Variants in RBFOX1 observed in about 807,000 individuals in gnomAD.
RBFOX1 encodes RNA binding protein fox-1 homolog 1.
In RBFOX1, 8 loss-of-function variants were observed where a neutral mutation model predicts 57.7. That is an observed-to-expected ratio of 0.14 (90% CI 0.08 to 0.25). The LOEUF (loss-of-function observed/expected upper bound fraction) is 0.25, where lower values mean the gene tolerates loss of function less well. Ranked by LOEUF, RBFOX1 falls within the 10% of genes least tolerant of loss-of-function variation. The pLI is 1.00. For synonymous variants in RBFOX1, 326 were observed against 222.4 expected (o/e 1.47, Z -4.15); for missense variants, 611 against 548.5 (o/e 1.11, Z -1.14).
intron 3 of RBFOX1, among the ~76,000 whole-genome samples, chr16:6,983,128 T>C (rs2089390093): frequency 6.6e-6 from 1 of 152,012 alleles, no homozygotes. Context: ...ACCAAAACTC[T>C]TAGCTGTTCC....
intron 1 of RBFOX1, among the ~76,000 whole-genome samples, chr16:6,285,164 G>A (rs2076772941): frequency 6.6e-6 from 1 of 152,120 alleles, no homozygotes; most frequent in African/African-American, 2.4e-5. Flanking sequence ...TCTGCTCAGT[G>A]GCCCTGGATA....
intron 4 of RBFOX1, among the ~76,000 whole-genome samples, chr16:7,173,696 G>A (rs566710935): frequency 3.3e-5 from 5 of 152,154 alleles, no homozygotes; most frequent in African/African-American, 7.2e-5. Flanking sequence ...AACACATTTA[G>A]GATGTTTTTT....
intron 1 of RBFOX1, among the ~76,000 whole-genome samples, chr16:5,352,976 C>A (rs755235114): frequency 1.1e-4 from 16 of 152,240 alleles, no homozygotes; most frequent in Non-Finnish European, 2.4e-4. Flanking sequence ...ATACATACTT[C>A]GTAGTCAAAT....
At chr16:7,514,709 G>C (rs1216574239) in intron 4 of RBFOX1, among the ~76,000 whole-genome samples, 1 of 152,140 alleles carries the variant, frequency 6.6e-6, no homozygotes, top group African/African-American at 2.4e-5. Context: ...GACTTGATGG[G>C]GTTGAGAGGA....
intron 1 of RBFOX1, among the ~76,000 whole-genome samples, chr16:5,294,742 A>G (rs1336124773): frequency 6.6e-6 from 1 of 152,076 alleles, no homozygotes; most frequent in African/African-American, 2.4e-5. Context: ...ATGGCATAAA[A>G]AAGACAGGCC....
chr16:6,812,537 C>A (rs367571755), intron 3 of RBFOX1, among the ~76,000 whole-genome samples: 2 of 152,034 alleles, frequency 1.3e-5, no homozygotes, highest in African/African-American at 4.8e-5. Context: ...CCACGCCCAG[C>A]TAATTTTTTT....
intron 4 of RBFOX1, among the ~76,000 whole-genome samples, chr16:7,468,871 G>C (rs1368665286): frequency 1.3e-5 from 2 of 152,092 alleles, no homozygotes; most frequent in East Asian, 3.9e-4. Context: ...GAGGATCACA[G>C]GGTCCCGTCC....
intron 1 of RBFOX1, among the ~76,000 whole-genome samples, chr16:5,355,068 G>C (rs1271616864): frequency 6.6e-6 from 1 of 151,942 alleles, no homozygotes; most frequent in Non-Finnish European, 1.5e-5. Context: ...GAGAGAAAGA[G>C]AGAAATAAGA....
intron 1 of RBFOX1, among the ~76,000 whole-genome samples, chr16:5,407,424 A>T (rs1183756368): frequency 1.3e-5 from 2 of 152,108 alleles, no homozygotes; most frequent in Non-Finnish European, 2.9e-5. Context: ...ACAAGAGCAG[A>T]GGCCCTGTGC....
At chr16:5,942,145 T>C (rs2059293802) in intron 4 of RBFOX1, among the ~76,000 whole-genome samples, 2 of 151,698 alleles carry the variant, frequency 1.3e-5, no homozygotes, top group East Asian at 3.9e-4. Flanking sequence ...ACAGGGGGAG[T>C]GCAATAGAGA....
intron 2 of RBFOX1, among the ~76,000 whole-genome samples, chr16:6,538,216 C>T (rs2096761769): frequency 6.6e-6 from 1 of 152,168 alleles, no homozygotes; most frequent in Admixed American, 6.5e-5. Context: ...TCAGGCCAGG[C>T]ATGGAGGCTC....
chr16:7,479,579 T>C (rs2063463708), intron 4 of RBFOX1, among the ~76,000 whole-genome samples: 1 of 152,100 alleles, frequency 6.6e-6, no homozygotes, highest in South Asian at 2.1e-4. Context: ...GGGCCTGGGG[T>C]GTGAAGCATG....
At chr16:6,280,275 C>T (rs2076239426) in intron 1 of RBFOX1, among the ~76,000 whole-genome samples, 1 of 152,152 alleles carries the variant, frequency 6.6e-6, no homozygotes, top group Non-Finnish European at 1.5e-5. Context: ...AGGACAGCCG[C>T]CTCCCTCCGT....
intron 8 of RBFOX1, among the ~76,000 whole-genome samples, chr16:7,597,042 T>G (rs1350716203): frequency 6.6e-6 from 1 of 152,234 alleles, no homozygotes; most frequent in Non-Finnish European, 1.5e-5. Context: ...AAATATTTCT[T>G]GTTTCTGTGT....
intron 2 of RBFOX1, among the ~76,000 whole-genome samples, chr16:5,542,720 T>G (rs1219496970): frequency 1.3e-5 from 2 of 152,200 alleles, no homozygotes; most frequent in Non-Finnish European, 1.5e-5. Context: ...TTTGAAATAC[T>G]AATTTCTTGA....
chr16:7,303,962 C>T (rs975797448), intron 4 of RBFOX1, among the ~76,000 whole-genome samples: 2 of 151,944 alleles, frequency 1.3e-5, no homozygotes, highest in Non-Finnish European at 1.5e-5. Context: ...GTGTCACCTT[C>T]ACAGGGGTAT....
At chr16:6,603,948 G>C (rs2097890100) in intron 2 of RBFOX1, among the ~76,000 whole-genome samples, 1 of 144,178 alleles carries the variant, frequency 6.9e-6, no homozygotes, top group Admixed American at 7.2e-5. Context: ...AAGTTGGTTT[G>C]TGGCTTCTTC....
chr16:6,114,324 T>C (rs552064124), intron 1 of RBFOX1, among the ~76,000 whole-genome samples: 70 of 152,344 alleles, frequency 4.6e-4, no homozygotes, highest in South Asian at 1.7e-3. Context: ...AGGAATTTTA[T>C]TTCCATCTTA....
chr16:7,408,117 C>G (rs779237105), intron 4 of RBFOX1, among the ~76,000 whole-genome samples: 1 of 152,224 alleles, frequency 6.6e-6, no homozygotes, highest in South Asian at 2.1e-4. Flanking sequence ...ACACAACACT[C>G]TCACAACATG....
Sources: allele counts gnomAD v4.1 joint callset (sites outside exome capture counted in the v4.1 genomes callset), GRCh38; gene constraint gnomAD v4.1.1; transcripts MANE v1.5; gene names NCBI Gene and HGNC (gene_info 2026-07-23, HGNC 2026-07-21).